Variants in CNTNAP5 observed in about 807,000 individuals in gnomAD.
CNTNAP5 encodes the protein contactin-associated protein-like 5.
A neutral mutation model predicts 150.2 loss-of-function variants in CNTNAP5; 72 were observed. The ratio of observed to expected loss-of-function variants is 0.48; its 90% CI spans 0.40 to 0.58. CNTNAP5 has a LOEUF of 0.58. Among genes scored for constraint, CNTNAP5 ranks in the 20% least tolerant of loss-of-function variants. The pLI, the probability that CNTNAP5 is intolerant of heterozygous loss-of-function variation, is 0.00. For synonymous variants in CNTNAP5, 672 were observed against 619.8 expected (o/e 1.08, Z -1.25); for missense variants, 1,636 against 1,626.2 (o/e 1.01, Z -0.10).
At chr2:124,497,053 G>A (rs1694167122) in intron 7 of CNTNAP5, among the ~76,000 whole-genome samples, 3 of 152,180 alleles carry the variant, frequency 2.0e-5, no homozygotes, top group African/African-American at 7.2e-5. Flanking sequence ...TGAAGCAGTG[G>A]TGACAGCCTG....
intron 3 of CNTNAP5, among the ~76,000 whole-genome samples, chr2:124,371,252 C>T (rs77276356): frequency 1.3e-3 from 202 of 152,190 alleles, no homozygotes; most frequent in African/African-American, 4.2e-3. Flanking sequence ...CTTAAAATAT[C>T]GTGGGGTAAT....
intron 1 of CNTNAP5, among the ~76,000 whole-genome samples, chr2:124,139,827 A>G: frequency 6.6e-6 from 1 of 152,212 alleles, no homozygotes; most frequent in Non-Finnish European, 1.5e-5. Flanking sequence ...TACAGCTCCC[A>G]GCGTGAGCGA....
chr2:124,110,424 G>A (rs1573760398), intron 1 of CNTNAP5, among the ~76,000 whole-genome samples: 1 of 152,010 alleles, frequency 6.6e-6, no homozygotes, highest in Non-Finnish European at 1.5e-5. Context: ...AAAAAAGGCC[G>A]GTTTTTCAAG....
chr2:124,321,841 T>C (rs938385021), intron 3 of CNTNAP5, among the ~76,000 whole-genome samples: 5 of 152,176 alleles, frequency 3.3e-5, no homozygotes, highest in African/African-American at 1.2e-4. Context: ...TTTAAGGCTC[T>C]AAATTTAAAT....
At chr2:124,473,638 C>T (rs1381901769) in intron 6 of CNTNAP5, among the ~76,000 whole-genome samples, 1 of 151,772 alleles carries the variant, frequency 6.6e-6, no homozygotes, top group Non-Finnish European at 1.5e-5. Context: ...TAAAAAGAGA[C>T]AGTGAACTAG....
chr2:124,064,811 T>C (rs1213946), intron 1 of CNTNAP5, among the ~76,000 whole-genome samples: 39,054 of 152,030 alleles, frequency 0.26, 5,189 homozygotes, highest in South Asian at 0.32. Flanking sequence ...GTAAAGCATG[T>C]GGTTTTCCCA....
Position 124,446,928 on chromosome 2 carries a change from T to G in CNTNAP5, c.909T>G (p.Ile303Met), listed in dbSNP as rs766098923. Residue 303 changes from isoleucine (I) to methionine (M), a missense_variant, in exon 6 of 24, where the codon ATT (isoleucine) becomes ATG (methionine). Transcript: ENST00000682447. ...AGGGCGAGACGGATGCCTTAGACAT[T>G]GACTATGAGGTGAGTTGATCCTCCT... ...RTKGETDALDIDYELSFGGIP... is the reference protein window; with the variant it reads ...RTKGETDALDMDYELSFGGIP... 1.5e-5 allele frequency: 25 copies of G among 1,613,174 alleles called. No individual in the cohort carries two copies. In the East Asian group the frequency reaches 3.3e-4, roughly 22 times the overall value.
intron 12 of CNTNAP5, among the ~76,000 whole-genome samples, chr2:124,639,182 A>T (rs1217037504): frequency 1.3e-5 from 2 of 152,216 alleles, no homozygotes; most frequent in Non-Finnish European, 2.9e-5. Flanking sequence ...TAGTACTTGC[A>T]GTATAGCATG....
rs903008376 is a variant in CNTNAP5, at chr2:124,920,451, A to T, written c.*6163A>T. ...ACCTAGTCTATTCTCTTTGAAAGGT[A>T]GTATCAACCTGTGTAACCTTGTCCT... is the stretch of plus-strand genomic sequence containing the variant. On this transcript the variant is annotated 3_prime_UTR_variant, in exon 24 of 24. Transcript: ENST00000682447. Among the ~76,000 whole-genome samples the T allele has an allele frequency of 1.3e-5, 2 of 152,126 alleles. No individual in the cohort carries two copies. The highest frequency in any genetic ancestry group is 2.4e-5 in the African/African-American group (1 of 41,460).
intron 1 of CNTNAP5, among the ~76,000 whole-genome samples, chr2:124,062,684 T>C (rs1558742122): frequency 1.3e-5 from 2 of 152,004 alleles, no homozygotes; most frequent in East Asian, 1.9e-4. Context: ...AAGGATAGAG[T>C]GGTGCCTGTG....
At chr2:124,496,268 C>G (rs1413643240) in intron 7 of CNTNAP5, among the ~76,000 whole-genome samples, 1 of 152,186 alleles carries the variant, frequency 6.6e-6, no homozygotes, top group Non-Finnish European at 1.5e-5. Context: ...ACAGGGCAGT[C>G]TTTTCCCTAC....
At chr2:124,273,739 G>A (rs1372633435) in intron 3 of CNTNAP5, among the ~76,000 whole-genome samples, 1 of 152,156 alleles carries the variant, frequency 6.6e-6, no homozygotes, top group African/African-American at 2.4e-5. Context: ...TCAAGTGGGG[G>A]CACAACTTGT....
intron 1 of CNTNAP5, among the ~76,000 whole-genome samples, chr2:124,181,055 G>A (rs1685196733): frequency 6.6e-6 from 1 of 151,938 alleles, no homozygotes; most frequent in African/African-American, 2.4e-5. Context: ...AAAAATTCTA[G>A]CCAGTCAACT....
intron 4 of CNTNAP5, among the ~76,000 whole-genome samples, chr2:124,432,489 G>A (rs1259686738): frequency 1.3e-5 from 2 of 152,048 alleles, no homozygotes; most frequent in Admixed American, 6.5e-5. Flanking sequence ...TTTGAACTGA[G>A]TCAGTTCAGT....
intron 8 of CNTNAP5, among the ~76,000 whole-genome samples, chr2:124,515,645 C>T (rs1694694389): frequency 6.6e-6 from 1 of 152,152 alleles, no homozygotes. Context: ...AATTTGCTGA[C>T]ACGAAAACTT....
intron 1 of CNTNAP5, among the ~76,000 whole-genome samples, chr2:124,039,597 C>T (rs974837904): frequency 3.3e-5 from 5 of 152,120 alleles, no homozygotes; most frequent in Admixed American, 6.6e-5. Flanking sequence ...TTGTCACACA[C>T]CTGGATTCAG....
intron 3 of CNTNAP5, among the ~76,000 whole-genome samples, chr2:124,303,818 G>T (rs572267597): frequency 6.6e-6 from 1 of 152,038 alleles, no homozygotes; most frequent in South Asian, 2.1e-4. Flanking sequence ...CATCGCTTGA[G>T]GCCAGGAGTT....
At chr2:124,239,166 C>T (rs548798228) in intron 2 of CNTNAP5, among the ~76,000 whole-genome samples, 1 of 151,420 alleles carries the variant, frequency 6.6e-6, no homozygotes, top group African/African-American at 2.4e-5. Flanking sequence ...TTTGCAGAAA[C>T]TTTAATGCTA....
At chr2:124,682,244 C>G (rs1490302247) in intron 13 of CNTNAP5, among the ~76,000 whole-genome samples, 1 of 152,168 alleles carries the variant, frequency 6.6e-6, no homozygotes, top group Non-Finnish European at 1.5e-5. Flanking sequence ...CCATTAAATT[C>G]CACACCAAGC....
Sources: gnomAD v4.1 joint callset for allele counts (sites outside exome capture counted in the v4.1 genomes callset) on GRCh38, gnomAD v4.1.1 for gene constraint, MANE v1.5 for transcripts, NCBI Gene and HGNC (gene_info 2026-07-23, HGNC 2026-07-21) for gene names.